The following FAM135A variants were observed in gnomAD, a reference collection of about 807,000 sequenced individuals.
FAM135A encodes protein FAM135A.
A neutral mutation model predicts 146.8 loss-of-function variants in FAM135A; 79 were observed. The ratio of observed to expected loss-of-function variants is 0.54; its 90% CI spans 0.45 to 0.65. The LOEUF (loss-of-function observed/expected upper bound fraction) is 0.65. Ranked by LOEUF, FAM135A falls within the 30% of genes least tolerant of loss-of-function variation. The pLI is 0.00. For synonymous variants in FAM135A, 562 were observed against 603.6 expected (o/e 0.93, Z 1.01); for missense variants, 1,623 against 1,758.2 (o/e 0.92, Z 1.38).
rs192576242 is a variant in FAM135A, at chr6:70,482,639, T to C, written c.823+485T>C. Among the ~76,000 whole-genome samples the C allele has an allele frequency of 9.9e-5, 15 of 152,256 alleles. No homozygotes were observed. In the East Asian group the frequency reaches 2.5e-3, roughly 25 times the overall value. ...TAACATTACTTAGTATTTTAACATT[T>C]TAAAAATCATTGAAATTGTTTTAAA... is the stretch of plus-strand genomic sequence containing the variant. On this transcript the variant is annotated intron_variant, in intron 10 of 21. Coordinates refer to ENST00000418814, the MANE Select transcript of FAM135A (RefSeq NM_001162529.3).
At chr6:70,500,313 T>A (rs915811292) in intron 11 of FAM135A, among the ~76,000 whole-genome samples, 1 of 152,218 alleles carries the variant, frequency 6.6e-6, no homozygotes, top group African/African-American at 2.4e-5. Context: ...GTTCTCGTGT[T>A]GTTTTTTCAA....
chr6:70,520,916 C>G (rs2128332634), intron 12 of FAM135A, among the ~76,000 whole-genome samples: 1 of 152,316 alleles, frequency 6.6e-6, no homozygotes, highest in South Asian at 2.1e-4. Flanking sequence ...AACAAGGAGT[C>G]TTAATGCAGA....
chr6:70,470,567 G>A (rs1056883721), intron 5 of FAM135A, among the ~76,000 whole-genome samples: 1 of 152,188 alleles, frequency 6.6e-6, no homozygotes, highest in Non-Finnish European at 1.5e-5. Flanking sequence ...ATGTTGGCCA[G>A]GCTGGTTTCA....
At chr6:70,508,775 C>T (rs1316458591) in intron 12 of FAM135A, among the ~76,000 whole-genome samples, 1 of 152,086 alleles carries the variant, frequency 6.6e-6, no homozygotes, top group Non-Finnish European at 1.5e-5. Flanking sequence ...ATGCAGAATG[C>T]CCAGTTAAAT....
At chr6:70,491,285 A>G (rs1785919544) in intron 11 of FAM135A, among the ~76,000 whole-genome samples, 1 of 152,008 alleles carries the variant, frequency 6.6e-6, no homozygotes, top group Admixed American at 6.6e-5. Context: ...TTTAAAAAGT[A>G]TATTATTCTT....
At chr6:70,484,518 C>T (rs1234683730) in intron 10 of FAM135A, among the ~76,000 whole-genome samples, 2 of 152,042 alleles carry the variant, frequency 1.3e-5, no homozygotes, top group African/African-American at 4.8e-5. Context: ...TTTTTGGCAC[C>T]AGGGACCAGT....
At chr6:70,474,420 A>C (rs893218825) in intron 5 of FAM135A, among the ~76,000 whole-genome samples, 1 of 151,710 alleles carries the variant, frequency 6.6e-6, no homozygotes. Flanking sequence ...CCTCCACAAG[A>C]CTCCCCTCAC....
intron 11 of FAM135A, among the ~76,000 whole-genome samples, chr6:70,497,468 C>T (rs1161072778): frequency 1.3e-5 from 2 of 152,156 alleles, no homozygotes; most frequent in African/African-American, 4.8e-5. Context: ...TTCCTCTCTT[C>T]CTATTTGAAT....
intron 16 of FAM135A, among the ~76,000 whole-genome samples, chr6:70,532,610 A>G (rs1796029901): frequency 6.6e-6 from 1 of 152,180 alleles, no homozygotes; most frequent in Non-Finnish European, 1.5e-5. Context: ...TGTTAGGTAG[A>G]AAAGTGAAAG....
At chr6:70,417,523 A>T in intron 2 of FAM135A, 34 of 813,988 alleles carry the variant, frequency 4.2e-5, no homozygotes, top group Non-Finnish European at 5.0e-5. Context: ...GTAGTCTGGG[A>T]CATTTCTGTT....
rs1348271038 is a variant in FAM135A, at chr6:70,519,917, TG to T, written c.1030-2595del. On this transcript the variant is annotated intron_variant, in intron 12 of 21. Transcript: ENST00000418814. ...TAGTATAGGTATGATATGATATATATGATAATAATTTAGTTGTGAATTTTAT... is the reference window on the plus strand; with the variant it reads ...TAGTATAGGTATGATATGATATATATATAATAATTTAGTTGTGAATTTTAT... 4.3e-3 allele frequency among the ~76,000 whole-genome samples: 656 copies of T among 151,808 alleles called. 3 individuals carry two copies. The highest frequency in any genetic ancestry group is 0.015 in the African/African-American group (616 of 41,302).
intron 2 of FAM135A, among the ~76,000 whole-genome samples, chr6:70,425,296 T>C (rs1472912158): frequency 6.6e-6 from 1 of 152,092 alleles, no homozygotes. Context: ...CATAGAGACT[T>C]GGCCAAACTT....
At chr6:70,496,697 G>A (rs540301391) in intron 11 of FAM135A, among the ~76,000 whole-genome samples, 16 of 152,044 alleles carry the variant, frequency 1.1e-4, no homozygotes, top group African/African-American at 3.4e-4. Context: ...GTAAGGAAGG[G>A]GTCCAGTTTC....
intron 2 of FAM135A, among the ~76,000 whole-genome samples, chr6:70,421,878 A>G (rs543880534): frequency 2.6e-5 from 4 of 152,326 alleles, no homozygotes; most frequent in African/African-American, 9.6e-5. Flanking sequence ...ACTGTGCAGG[A>G]GGGTCATGAA....
At chr6:70,540,290 T>G (rs1797647603) in intron 20 of FAM135A, among the ~76,000 whole-genome samples, 2 of 151,792 alleles carry the variant, frequency 1.3e-5, no homozygotes, top group African/African-American at 4.8e-5. Flanking sequence ...TCTCATCTGC[T>G]TTTTAGACTC....
Position 70,475,857 on chromosome 6 carries a change from C to G in FAM135A, c.368+124C>G, listed in dbSNP as rs971058148. On this transcript the variant is annotated intron_variant, in intron 7 of 21. Transcript: ENST00000418814. ...TCTTGTCTTGAACTACTTGTGTTTT[C>G]TGGGGAAACTTCATGAGAATGATTA... The G allele has an allele frequency of 8.2e-6, 6 of 728,708 alleles. No individual in the cohort carries two copies. In the Admixed American group the frequency reaches 1.6e-4, roughly 19 times the overall value. The allele number at this position is 728,708 out of a possible 1,614,324, so 45.1% of individuals were successfully genotyped here.
intron 20 of FAM135A, among the ~76,000 whole-genome samples, chr6:70,545,932 A>G (rs1798781083): frequency 6.6e-6 from 1 of 152,220 alleles, no homozygotes; most frequent in African/African-American, 2.4e-5. Context: ...AGGAACTTAA[A>G]AAGCTACTTC....
intron 20 of FAM135A, among the ~76,000 whole-genome samples, chr6:70,545,001 A>AG (rs1798590352): frequency 6.6e-6 from 1 of 151,852 alleles, no homozygotes; most frequent in Non-Finnish European, 1.5e-5. Context: ...CAGTGAGCCA[A>AG]GATCGCACCA....
chr6:70,480,796 CA>C (rs1034376069), intron 8 of FAM135A, 104 bp from the exon 9 acceptor site: 20 of 1,109,878 alleles, frequency 1.8e-5, no homozygotes, highest in South Asian at 2.7e-5. Context: ...TATAAACTTG[CA>C]AAACCCTTGC....
Sources: gnomAD v4.1 joint callset for allele counts (sites outside exome capture counted in the v4.1 genomes callset) on GRCh38, gnomAD v4.1.1 for gene constraint, MANE v1.5 for transcripts, NCBI Gene and HGNC (gene_info 2026-07-23, HGNC 2026-07-21) for gene names.